ZC3H3: variants seen among roughly 807,000 people sequenced by gnomAD.
ZC3H3 encodes the protein zinc finger CCCH domain-containing protein 3.
Under a neutral mutation model 77.3 loss-of-function variants are expected in ZC3H3, and 36 were observed. The ratio of observed to expected loss-of-function variants is 0.47; its 90% confidence interval spans 0.36 to 0.61. ZC3H3 has a LOEUF of 0.61. Among genes scored for constraint, ZC3H3 ranks in the 20% least tolerant of loss-of-function variants. The pLI, the probability that ZC3H3 is intolerant of heterozygous loss-of-function variation, is 0.00. For missense variants in ZC3H3, 1,331 were observed against 1,312.2 expected, an observed-to-expected ratio of 1.01 and a Z score of -0.22; for synonymous variants, 626 against 555.2, an observed-to-expected ratio of 1.13 and a Z score of -1.79.
chr8:143,466,894 G>C (rs973033569), intron 8 of ZC3H3, among the ~76,000 whole-genome samples: 5 of 152,194 alleles, frequency 3.3e-5, no homozygotes, highest in African/African-American at 1.2e-4. Context: ...TGGGGGATCT[G>C]GGCAGACCCA....
At chr8:143,477,138 G>A (rs1458005179) in intron 4 of ZC3H3, among the ~76,000 whole-genome samples, 1 of 152,236 alleles carries the variant, frequency 6.6e-6, no homozygotes, top group African/African-American at 2.4e-5. Context: ...CTGCCTGCAA[G>A]CTGGGGTAAT....
chr8:143,526,140 T>C (rs974436786), intron 3 of ZC3H3, among the ~76,000 whole-genome samples: 8 of 152,128 alleles, frequency 5.3e-5, no homozygotes, highest in African/African-American at 1.9e-4. Context: ...CTGACTTCAG[T>C]GGGGGTCCAG....
intron 9 of ZC3H3, among the ~76,000 whole-genome samples, chr8:143,461,082 A>C (rs1393323328): frequency 2.6e-5 from 4 of 152,216 alleles, no homozygotes; most frequent in Non-Finnish European, 4.4e-5. Context: ...TTGACGCTTA[A>C]AAATGGTCAA....
chr8:143,482,677 G>A (rs911915497), intron 4 of ZC3H3, among the ~76,000 whole-genome samples: 4 of 152,216 alleles, frequency 2.6e-5, no homozygotes, highest in African/African-American at 9.7e-5. Context: ...GGCTCAAGGA[G>A]GGAGGCATGG....
Position 143,468,668 on chromosome 8 carries a change from G to C in ZC3H3, c.1904-9C>G, listed in dbSNP as rs369567039. The C allele has an allele frequency of 1.9e-6, 3 of 1,548,896 alleles. No homozygotes were observed. The highest frequency in any genetic ancestry group is 2.6e-6 in the Non-Finnish European group (3 of 1,146,728). ...TGCAGGATCCAGCCGGCCTGTGGGGGAGAGAGGCACGGGTCATAGCAGGCC... is the reference window on the plus strand; with the variant it reads ...TGCAGGATCCAGCCGGCCTGTGGGGCAGAGAGGCACGGGTCATAGCAGGCC... On this transcript the variant is annotated splice_polypyrimidine_tract_variant and intron_variant, in intron 5 of 11. Coordinates refer to ENST00000262577, the MANE Select transcript of ZC3H3 (RefSeq NM_015117.3).
chr8:143,477,833 AC>A (rs71316895), intron 4 of ZC3H3, among the ~76,000 whole-genome samples: 4,529 of 151,796 alleles, frequency 0.03, 88 homozygotes, highest in East Asian at 0.07. Flanking sequence ...GCCAGGGTGC[AC>A]CCCCCCACCG....
intron 3 of ZC3H3, among the ~76,000 whole-genome samples, chr8:143,521,765 G>T (rs530377550): frequency 3.2e-4 from 48 of 152,336 alleles, no homozygotes; most frequent in African/African-American, 1.1e-3. Context: ...CCCCCAGAAG[G>T]GGTCCCCAGG....
In ZC3H3 at chr8:143,460,114, C is replaced by T. The variant is rs775515517; in HGVS notation, c.2307+5603G>A. On this transcript the variant is annotated intron_variant, in intron 9 of 11. Coordinates refer to ENST00000262577, the MANE Select transcript of ZC3H3 (RefSeq NM_015117.3). This position sits in a 1 kb window ranked among gnomAD's most constrained non-coding sequence, Gnocchi z 4.0. ...CACAAAAATTAGCTGGGTTTGGTGG[C>T]ACATGCACCTGTAGTCCCAGCTACT... 6.6e-6 allele frequency among the ~76,000 whole-genome samples: 1 copy of T among 151,834 alleles called. No individual in the cohort carries two copies. Among genetic ancestry groups the T allele is most frequent in the Non-Finnish European group, 1.5e-5 (1 of 67,974 alleles).
intron 9 of ZC3H3, among the ~76,000 whole-genome samples, chr8:143,452,250 A>C (rs1435204693): frequency 6.6e-6 from 1 of 152,172 alleles, no homozygotes; most frequent in Non-Finnish European, 1.5e-5. Context: ...TCCCCCACGG[A>C]GTCAGTGGAG....
At chr8:143,492,300 G>A (rs963621680) in intron 4 of ZC3H3, among the ~76,000 whole-genome samples, 1 of 152,134 alleles carries the variant, frequency 6.6e-6, no homozygotes, top group Non-Finnish European at 1.5e-5. Context: ...TACACACCAC[G>A]GACTGGCCCA....
At chr8:143,444,004 T>C (rs1268844420) in intron 9 of ZC3H3, among the ~76,000 whole-genome samples, 3 of 151,732 alleles carry the variant, frequency 2.0e-5, no homozygotes. Flanking sequence ...AGACAGAGTC[T>C]TGCTCTGTTG....
Position 143,536,416 on chromosome 8 carries a change from C to T in ZC3H3, c.1402G>A (p.Ala468Thr), listed in dbSNP as rs1275922681. The T allele has an allele frequency of 3.9e-6, 6 of 1,549,722 alleles. No homozygotes were observed. The highest frequency in any genetic ancestry group is 2.4e-5 in the East Asian group (1 of 41,842). ...GDKKSGTSPA[A>T]TAKSHLSLRR... is the part of the protein sequence containing the mutation. ...AGGCTGAGGTGGCTCTTGGCGGTGG[C>T]GGCAGGTGAGGTGCCGCTTTTCTTG... Residue 468 changes from alanine to threonine, a missense_variant, in exon 3 of 12, where the codon GCC becomes ACC. This residue lies in a region of ZC3H3 where 978 missense variants were observed against 915.5 expected (regional missense o/e 1.07). Transcript: ENST00000262577.
At chr8:143,484,561 G>C (rs1456305289) in intron 4 of ZC3H3, 1 of 154,196 alleles carries the variant, frequency 6.5e-6, no homozygotes, top group East Asian at 1.9e-4. Flanking sequence ...TTGTATGTCA[G>C]CTGCAAAAAA....
At position 143,538,700 on chromosome 8, in the gene ZC3H3, C is replaced by A. The variant is rs1366635267; in HGVS notation, c.667G>T (p.Val223Leu). ...GGGAAGCTCGCCTTGACGGCAATCA[C>A]ACTCTCACTGACTGTCCGGCGGGGC... ...REPRRTVSES[V>L]IAVKASFPSS... The change falls in exon 2 of 12, where the codon GTG becomes TTG. Residue 223 changes from valine (V) to leucine (L), a missense_variant. By Grantham distance (32) the Val-to-Leu change is conservative. This residue lies in a region of ZC3H3 where 978 missense variants were observed against 915.5 expected (regional missense o/e 1.07). Transcript: ENST00000262577. 1.9e-6 allele frequency: 3 copies of A among 1,608,552 alleles called. No individual in the cohort carries two copies. Among genetic ancestry groups the A allele is most frequent in the East Asian group, 2.2e-5 (1 of 44,890 alleles).
chr8:143,478,339 C>T (rs941622460), intron 4 of ZC3H3, among the ~76,000 whole-genome samples: 1 of 152,190 alleles, frequency 6.6e-6, no homozygotes, highest in Non-Finnish European at 1.5e-5. Flanking sequence ...GGGGCAGCCA[C>T]AGCTGGCCAG....
At chr8:143,478,459 C>T (rs1820807707) in intron 4 of ZC3H3, among the ~76,000 whole-genome samples, 1 of 152,194 alleles carries the variant, frequency 6.6e-6, no homozygotes, top group African/African-American at 2.4e-5. Flanking sequence ...AGCTCTGTTT[C>T]AGGACCTCGG....
chr8:143,458,700 CGCCTGT>C, intron 9 of ZC3H3, among the ~76,000 whole-genome samples: 1 of 107,746 alleles, frequency 9.3e-6, no homozygotes, highest in Admixed American at 9.4e-5. Flanking sequence ...CAGTGGCTCA[CGCCTGT>C]AACCCCAGCA....
chr8:143,538,520 C>T lies in ZC3H3; in HGVS notation c.847G>A (p.Ala283Thr), dbSNP rs374453895. The T allele has an allele frequency of 1.2e-4, 200 of 1,612,162 alleles. No homozygotes were observed. The highest frequency in any genetic ancestry group is 1.8e-4 in the Admixed American group (11 of 60,014). Residue 283 changes from alanine to threonine, a missense_variant, in exon 2 of 12, where the codon GCC becomes ACC. This residue lies in a region of ZC3H3 where 978 missense variants were observed against 915.5 expected (regional missense o/e 1.07). Transcript: ENST00000262577. ...PVPSGSVGGP[A>T]RPASGPRQAR... Reference sequence around the variant, plus strand: ...TGCCTGGGTCCTGAGGCCGGTCTGGCGGGGCCCCCCACTGAGCCAGACGGA... The same window carrying T: ...TGCCTGGGTCCTGAGGCCGGTCTGGTGGGGCCCCCCACTGAGCCAGACGGA...
rs73717572 is a variant in ZC3H3, at chr8:143,442,378, C to T, written c.2308-1258G>A. ...GCGGCTGGAGAGATGCCCGGTCCTG[C>T]AGCAGAGCAGGCTTCAGGGGCCGGG... On this transcript the variant is annotated intron_variant, in intron 9 of 11. Coordinates refer to ENST00000262577, the MANE Select transcript of ZC3H3 (RefSeq NM_015117.3). Among the ~76,000 whole-genome samples the T allele has an allele frequency of 4.0e-3, 489 of 123,238 alleles. 4 individuals carry two copies. The highest frequency in any genetic ancestry group is 0.014 in the African/African-American group (454 of 32,436). 80.8% of individuals were successfully genotyped at this position (123,238 alleles called of 152,430 possible).
Sources: gnomAD v4.1 joint callset for allele counts (sites outside exome capture counted in the v4.1 genomes callset) on GRCh38, gnomAD v4.1.1 for gene constraint, gnomAD v4.1.1 regional missense constraint, Gnocchi (gnomAD v3.1) non-coding constraint, MANE v1.5 for transcripts, NCBI Gene and HGNC (gene_info 2026-07-23, HGNC 2026-07-21) for gene names.